STXBP6: variants seen among roughly 807,000 people sequenced by gnomAD.
STXBP6 encodes syntaxin-binding protein 6.
A neutral mutation model predicts 26.9 loss-of-function variants in STXBP6; 21 were observed. The ratio of observed to expected loss-of-function variants is 0.78; its 90% CI spans 0.55 to 1.12. The LOEUF is 1.12. Among genes scored for constraint, STXBP6 ranks in the 50% most tolerant of loss-of-function variants. The pLI is 0.00. For synonymous variants in STXBP6, 97 were observed against 92.6 expected, an observed-to-expected ratio of 1.05 and a Z score of -0.27; for missense variants, 232 against 257.9, an observed-to-expected ratio of 0.90 and a Z score of 0.69.
intron 2 of STXBP6, among the ~76,000 whole-genome samples, chr14:24,892,158 C>G (rs1438975624): frequency 6.6e-6 from 1 of 151,528 alleles, no homozygotes; most frequent in Non-Finnish European, 1.5e-5. Context: ...TTCAGAGCAT[C>G]TTATGCAATG....
At chr14:25,010,398 C>T (rs924387226) in intron 1 of STXBP6, 1 of 152,234 alleles carries the variant, frequency 6.6e-6, no homozygotes, top group African/African-American at 2.4e-5. Flanking sequence ...ATTCAATAAA[C>T]AAAACCTGAA....
intron 1 of STXBP6, among the ~76,000 whole-genome samples, chr14:25,000,997 G>A (rs1447477677): frequency 6.6e-6 from 1 of 151,976 alleles, no homozygotes; most frequent in Non-Finnish European, 1.5e-5. Flanking sequence ...AATAAACTTG[G>A]ATGCTTTTTC....
intron 4 of STXBP6, among the ~76,000 whole-genome samples, chr14:24,832,932 G>C (rs578020607): frequency 3.3e-5 from 5 of 152,194 alleles, no homozygotes; most frequent in Admixed American, 2.0e-4. Context: ...TATCCTATTA[G>C]TCCTAATGGC....
intron 2 of STXBP6, among the ~76,000 whole-genome samples, chr14:24,918,869 A>C (rs925334881): frequency 2.0e-5 from 3 of 152,094 alleles, no homozygotes; most frequent in African/African-American, 7.2e-5. Flanking sequence ...AGAGTGCAAA[A>C]GAGAAAAACT....
chr14:24,851,361 A>G (rs2069147331), intron 4 of STXBP6, among the ~76,000 whole-genome samples: 1 of 150,716 alleles, frequency 6.6e-6, no homozygotes, highest in Non-Finnish European at 1.5e-5. Flanking sequence ...AGCATTAGGT[A>G]TATCTCCTAA....
intron 1 of STXBP6, among the ~76,000 whole-genome samples, chr14:25,040,794 C>T (rs901708527): frequency 6.6e-6 from 1 of 152,102 alleles, no homozygotes; most frequent in African/African-American, 2.4e-5. Context: ...AGTTCACAAT[C>T]CAGTGGGGAA....
At chr14:25,004,077 G>C (rs915577201) in intron 1 of STXBP6, among the ~76,000 whole-genome samples, 1 of 152,184 alleles carries the variant, frequency 6.6e-6, no homozygotes, top group Non-Finnish European at 1.5e-5. Flanking sequence ...CAGACAAGTT[G>C]ACATTAACAA....
intron 2 of STXBP6, among the ~76,000 whole-genome samples, chr14:24,933,052 C>T (rs1485984571): frequency 6.6e-6 from 1 of 152,170 alleles, no homozygotes; most frequent in Non-Finnish European, 1.5e-5. Flanking sequence ...TTTGAAGTCA[C>T]ATCACTGGGC....
At chr14:24,915,641 G>A (rs181745346) in intron 2 of STXBP6, among the ~76,000 whole-genome samples, 9 of 152,070 alleles carry the variant, frequency 5.9e-5, no homozygotes, top group East Asian at 3.9e-4. Context: ...AATAGTCTTC[G>A]TCTCCTTTTT....
intron 4 of STXBP6, among the ~76,000 whole-genome samples, chr14:24,834,346 A>C (rs2068548261): frequency 6.6e-6 from 1 of 152,194 alleles, no homozygotes; most frequent in Non-Finnish European, 1.5e-5. Flanking sequence ...ACAGGTTCAA[A>C]TTTTAACAGA....
intron 4 of STXBP6, among the ~76,000 whole-genome samples, chr14:24,832,939 T>C (rs992460763): frequency 6.6e-6 from 1 of 152,236 alleles, no homozygotes; most frequent in Non-Finnish European, 1.5e-5. Context: ...TTAGTCCTAA[T>C]GGCTACTCTT....
At chr14:24,938,018 C>T (rs905443502) in intron 2 of STXBP6, among the ~76,000 whole-genome samples, 1 of 152,216 alleles carries the variant, frequency 6.6e-6, no homozygotes, top group Non-Finnish European at 1.5e-5. Context: ...GAGCAATCTG[C>T]CTGGCTTTAT....
chr14:24,849,976 C>A (rs1463495007), intron 4 of STXBP6, among the ~76,000 whole-genome samples: 2 of 152,120 alleles, frequency 1.3e-5, no homozygotes, highest in Admixed American at 1.3e-4. Context: ...GTGAGGTTCA[C>A]ACTCCAAAGT....
At chr14:24,845,292 A>G (rs141934274) in intron 4 of STXBP6, among the ~76,000 whole-genome samples, 4,094 of 152,232 alleles carry the variant, frequency 0.027, 62 homozygotes, top group African/African-American at 0.038. Flanking sequence ...GATTACAGGC[A>G]TGAGCCACCG....
At position 25,009,572 on chromosome 14, in the gene STXBP6, G is replaced by C. The variant is rs531161738; in HGVS notation, c.-32-34722C>G. Reference sequence around the variant, plus strand: ...AACAGAAACCCAACAAGCCCAGTCCGACAAAGTGAGGAGCACGCCATCGCC... The same window carrying C: ...AACAGAAACCCAACAAGCCCAGTCCCACAAAGTGAGGAGCACGCCATCGCC... On this transcript the variant is annotated intron_variant, in intron 1 of 5. Transcript: ENST00000323944. Among the ~76,000 whole-genome samples the C allele has an allele frequency of 2.6e-5, 4 of 152,220 alleles. No homozygotes were observed. In the South Asian group the frequency reaches 8.3e-4, roughly 32 times the overall value.
At chr14:24,851,957 T>G (rs1157646958) in intron 4 of STXBP6, among the ~76,000 whole-genome samples, 3 of 152,172 alleles carry the variant, frequency 2.0e-5, no homozygotes, top group Admixed American at 2.0e-4. Context: ...AAAAACACTT[T>G]AAGCCTTGAG....
At chr14:25,031,802 C>A (rs1025820817) in intron 1 of STXBP6, among the ~76,000 whole-genome samples, 6 of 151,360 alleles carry the variant, frequency 4.0e-5, no homozygotes, top group African/African-American at 1.2e-4. Flanking sequence ...TTATTGCCCA[C>A]CATCTCTAGT....
At chr14:24,834,522 C>T (rs957191933) in intron 4 of STXBP6, among the ~76,000 whole-genome samples, 3 of 152,116 alleles carry the variant, frequency 2.0e-5, no homozygotes, top group African/African-American at 7.2e-5. Context: ...ATAAATAGTC[C>T]TCACACTTTT....
At chr14:25,014,129 A>G (rs1409354803) in intron 1 of STXBP6, among the ~76,000 whole-genome samples, 1 of 152,248 alleles carries the variant, frequency 6.6e-6, no homozygotes, top group Admixed American at 6.5e-5. Context: ...TGAAGCTGAG[A>G]GAGAGGCACA....
Sources: allele counts gnomAD v4.1 joint callset (sites outside exome capture counted in the v4.1 genomes callset), GRCh38; gene constraint gnomAD v4.1.1; transcripts MANE v1.5; gene names NCBI Gene and HGNC (gene_info 2026-07-23, HGNC 2026-07-21).